The following CIMIP2A variants were observed in gnomAD, a reference collection of about 807,000 sequenced individuals.
CIMIP2A encodes the protein ciliary microtubule inner protein 2A, also known as family with sequence similarity 166 member A.
At chr9:137,252,603 C>T in the CIMIP2A span, 6 of 1,513,580 alleles carry the variant, frequency 4.0e-6, no homozygotes, top group East Asian at 1.5e-4. Context: ...CAAAGGGGGG[C>T]TGGCTGAGGG....
chr9:137,244,633 C>T, the CIMIP2A span: 2 of 1,613,524 alleles, frequency 1.2e-6, no homozygotes, highest in Non-Finnish European at 1.7e-6. Flanking sequence ...CTGGATGGCG[C>T]TTTCCTACCT....
At chr9:137,243,743 C>A in the CIMIP2A span, 4 of 1,614,144 alleles carry the variant, frequency 2.5e-6, no homozygotes, top group South Asian at 4.4e-5. Context: ...CCAGTAGGCC[C>A]TCCGGGTGCT....
chr9:137,252,247 C>T, the CIMIP2A span: 1 of 1,431,082 alleles, frequency 7.0e-7, no homozygotes, highest in South Asian at 1.3e-5. Flanking sequence ...TCCACCCTTC[C>T]CTGCGTTCAC....
At chr9:137,244,181 C>G in the CIMIP2A span, 1 of 1,613,866 alleles carries the variant, frequency 6.2e-7, no homozygotes. Context: ...CGGGGATGAA[C>G]CCCATGTAGA....
At chr9:137,251,849 C>A in the CIMIP2A span, 3 of 1,607,744 alleles carry the variant, frequency 1.9e-6, no homozygotes, top group African/African-American at 4.0e-5. Context: ...AGACGGGCAC[C>A]CCCCAGGAGT....
At chr9:137,247,012 G>T in the CIMIP2A span, among the ~76,000 whole-genome samples, 2 of 152,028 alleles carry the variant, frequency 1.3e-5, no homozygotes, top group Middle Eastern at 3.2e-3. Context: ...CTGGCCGGGC[G>T]TGGTGGCTTA....
chr9:137,252,420 C>T, the CIMIP2A span: 2,280 of 1,605,852 alleles, frequency 1.4e-3, 23 homozygotes, highest in South Asian at 0.013. Context: ...TTCTCTCTCT[C>T]CATCCTCCAA....
the CIMIP2A span, among the ~76,000 whole-genome samples, chr9:137,248,519 G>A: frequency 1.6e-4 from 23 of 144,662 alleles, no homozygotes; most frequent in African/African-American, 5.4e-4. Flanking sequence ...CTCCAGCCTG[G>A]GCCACAGAGT....
At chr9:137,247,771 C>A in the CIMIP2A span, 1 of 1,560,982 alleles carries the variant, frequency 6.4e-7, no homozygotes, top group Non-Finnish European at 8.8e-7. Flanking sequence ...CAGCTCCCTT[C>A]CCTGAGGGGA....
chr9:137,249,506 G>A, the CIMIP2A span, among the ~76,000 whole-genome samples: 3 of 152,180 alleles, frequency 2.0e-5, no homozygotes, highest in Non-Finnish European at 4.4e-5. Flanking sequence ...GGTGATGCTT[G>A]GGGGGTGCGG....
chr9:137,252,067 C>A, the CIMIP2A span: 1 of 1,613,044 alleles, frequency 6.2e-7, no homozygotes, highest in Non-Finnish European at 8.5e-7. Context: ...TACCAGGTGC[C>A]GAGCCCGTCC....
chr9:137,252,826 G>C, the CIMIP2A span: 1 of 1,569,326 alleles, frequency 6.4e-7, no homozygotes, highest in Non-Finnish European at 8.6e-7. Flanking sequence ...CCCTGCTTCA[G>C]GCCTCTTTGC....
chr9:137,248,584 C>T, the CIMIP2A span, among the ~76,000 whole-genome samples: 4 of 150,718 alleles, frequency 2.7e-5, no homozygotes, highest in African/African-American at 9.8e-5. Context: ...AAAGGCTGGG[C>T]ACTGTGGCTC....
the CIMIP2A span, chr9:137,244,431 C>A: frequency 8.5e-6 from 13 of 1,525,820 alleles, no homozygotes; most frequent in Admixed American, 2.6e-4. Flanking sequence ...CCCCCTACCC[C>A]CGACTCCAAA....
chr9:137,250,973 C>T, the CIMIP2A span: 4 of 385,690 alleles, frequency 1.0e-5, no homozygotes, highest in South Asian at 8.7e-5. Flanking sequence ...AGGCCTCAGT[C>T]CTCCCAGACC....
At chr9:137,249,092 G>A in the CIMIP2A span, among the ~76,000 whole-genome samples, 49 of 151,526 alleles carry the variant, frequency 3.2e-4, no homozygotes, top group Non-Finnish European at 4.9e-4. Flanking sequence ...TCCTGACCTC[G>A]TGATCCGCCC....
At chr9:137,245,012 T>C in the CIMIP2A span, 1 of 1,609,162 alleles carries the variant, frequency 6.2e-7, no homozygotes, top group Non-Finnish European at 8.5e-7. Context: ...TGTGGCAGCC[T>C]CCTCAGGGGC....
At chr9:137,252,709 C>G in the CIMIP2A span, 1 of 1,553,034 alleles carries the variant, frequency 6.4e-7, no homozygotes, top group Non-Finnish European at 8.7e-7. Context: ...CCGCCTTCCC[C>G]GCCTTCAGCT....
chr9:137,251,576 C>T, the CIMIP2A span, among the ~76,000 whole-genome samples: 8 of 145,468 alleles, frequency 5.5e-5, no homozygotes, highest in African/African-American at 1.6e-4. Flanking sequence ...AGGGGACAGG[C>T]GGCTGGGAGC....
Sources: allele counts gnomAD v4.1 joint callset (sites outside exome capture counted in the v4.1 genomes callset), GRCh38; gene constraint gnomAD v4.1.1; transcripts MANE v1.5; gene names NCBI Gene and HGNC (gene_info 2026-07-23, HGNC 2026-07-21).